ATP11A: variants seen among roughly 807,000 people sequenced by gnomAD.
ATP11A encodes the protein phospholipid-transporting ATPase IH.
ATP11A carries 81 observed loss-of-function variants against 154.4 expected under a neutral mutation model. The observed-to-expected ratio is 0.52, with a 90% CI of 0.44 to 0.63. The LOEUF is 0.63. Ranked by LOEUF, ATP11A falls within the 30% of genes least tolerant of loss-of-function variation. The pLI is 0.00. For synonymous variants in ATP11A, 623 were observed against 585.9 expected, an observed-to-expected ratio of 1.06 and a Z score of -0.91; for missense variants, 1,316 against 1,474.3, an observed-to-expected ratio of 0.89 and a Z score of 1.76.
At chr13:112,723,922 C>T (rs1889505921) in intron 1 of ATP11A, among the ~76,000 whole-genome samples, 1 of 152,128 alleles carries the variant, frequency 6.6e-6, no homozygotes, top group Non-Finnish European at 1.5e-5. Flanking sequence ...ACGCTCGTGT[C>T]ACACGGGCTC....
At chr13:112,796,546 C>G (rs553751857) in intron 2 of ATP11A, among the ~76,000 whole-genome samples, 1 of 152,316 alleles carries the variant, frequency 6.6e-6, no homozygotes, top group South Asian at 2.1e-4. Context: ...AAAAGTTTCT[C>G]CCTGGAGCCT....
rs1190850718 is a variant in ATP11A, at chr13:112,816,178, C to T, written c.537C>T (p.Thr179=). 33 of 1,614,044 alleles carry T rather than the reference C, an allele frequency of 2.0e-5. No homozygotes were observed. The highest frequency in any genetic ancestry group is 2.6e-5 in the Non-Finnish European group (31 of 1,180,038). Reference sequence around the variant, plus strand: ...GGGGAGATGGGACGTGCCACGTCACCACCGCCAGCTTGGATGGAGAATCCA... The same window carrying T: ...GGGGAGATGGGACGTGCCACGTCACTACCGCCAGCTTGGATGGAGAATCCA... The part of the protein sequence containing the change: ...SNRGDGTCHV[T]TASLDGESSH... The change falls in exon 6 of 30, where the codon ACC becomes ACT. Residue 179 remains threonine (T), a synonymous_variant. Transcript: ENST00000375645.
At chr13:112,695,199 T>C (rs998692499) in intron 1 of ATP11A, among the ~76,000 whole-genome samples, 2 of 152,250 alleles carry the variant, frequency 1.3e-5, no homozygotes, top group African/African-American at 4.8e-5. Flanking sequence ...TAAGTTAAGC[T>C]GCTTTAGCTG....
At chr13:112,793,219 T>A (rs2077906627) in intron 2 of ATP11A, among the ~76,000 whole-genome samples, 1 of 152,118 alleles carries the variant, frequency 6.6e-6, no homozygotes, top group Admixed American at 6.5e-5. Flanking sequence ...CTTTTCATTT[T>A]TGAGACAGAG....
In ATP11A at chr13:112,853,246, C is replaced by CTA. The variant is rs752728056; in HGVS notation, c.1992-1019_1992-1018dup. The stretch of plus-strand genomic sequence containing the variant: ...TCTTGCTCGCTCTCTTTCTCTCTCT[C>CTA]TATATATATATATATGCACACACAC... On this transcript the variant is annotated intron_variant, in intron 18 of 29. Coordinates refer to ENST00000375645, the MANE Select transcript of ATP11A (RefSeq NM_015205.3). Among the ~76,000 whole-genome samples, 967 of 145,410 alleles carry CTA rather than the reference C, an allele frequency of 6.7e-3. 5 individuals carry two copies. Among genetic ancestry groups the CTA allele is most frequent in the Admixed American group, 1.0e-2 (145 of 14,566 alleles).
chr13:112,831,299 A>T, intron 12 of ATP11A, 76 bp from the exon 13 acceptor site: 1 of 1,516,864 alleles, frequency 6.6e-7, no homozygotes, highest in Non-Finnish European at 9.0e-7. Context: ...GGGAGGAAAC[A>T]CGGCTGCTGT....
At chr13:112,732,276 G>C (rs560709005) in intron 1 of ATP11A, among the ~76,000 whole-genome samples, 70 of 152,280 alleles carry the variant, frequency 4.6e-4, no homozygotes, top group Middle Eastern at 3.4e-3. Flanking sequence ...ACTTACTGTA[G>C]AATAGAATGA....
At chr13:112,792,761 C>G (rs1032996579) in intron 2 of ATP11A, among the ~76,000 whole-genome samples, 3 of 152,182 alleles carry the variant, frequency 2.0e-5, no homozygotes, top group Non-Finnish European at 2.9e-5. Flanking sequence ...TTGCACCCCC[C>G]ACGTGGGGAA....
At chr13:112,718,761 C>T (rs1255869521) in intron 1 of ATP11A, among the ~76,000 whole-genome samples, 1 of 151,676 alleles carries the variant, frequency 6.6e-6, no homozygotes, top group African/African-American at 2.4e-5. Flanking sequence ...ACCTCCGCCT[C>T]CCAGGTTCAA....
chr13:112,764,702 C>T (rs2077034592), intron 1 of ATP11A, among the ~76,000 whole-genome samples: 1 of 152,204 alleles, frequency 6.6e-6, no homozygotes, highest in South Asian at 2.1e-4. Flanking sequence ...GGTTTGTGTC[C>T]CCTTGATGGG....
chr13:112,756,022 C>T (rs1265555602), intron 1 of ATP11A, among the ~76,000 whole-genome samples: 2 of 152,146 alleles, frequency 1.3e-5, no homozygotes, highest in African/African-American at 2.4e-5. Flanking sequence ...AGAGCGGCTC[C>T]CAGAACCATT....
rs139673383 is a variant in ATP11A, at chr13:112,783,945, C to T, written c.40-1190C>T. On this transcript the variant is annotated intron_variant, in intron 1 of 29. Coordinates refer to ENST00000375645, the MANE Select transcript of ATP11A (RefSeq NM_015205.3). Reference sequence around the variant, plus strand: ...AGCTTTGCAGGAGAGCCTTCCTGTTCCTGAGCAGACACCTAGCAGGGTTGA... The same window carrying T: ...AGCTTTGCAGGAGAGCCTTCCTGTTTCTGAGCAGACACCTAGCAGGGTTGA... Among the ~76,000 whole-genome samples, 996 of 152,314 alleles carry T rather than the reference C, an allele frequency of 6.5e-3. 3 individuals are homozygous for T. The highest frequency in any genetic ancestry group is 0.011 in the Non-Finnish European group (723 of 68,026).
intron 1 of ATP11A, among the ~76,000 whole-genome samples, chr13:112,703,905 C>T (rs1269814834): frequency 6.6e-6 from 1 of 152,188 alleles, no homozygotes; most frequent in Non-Finnish European, 1.5e-5. Context: ...CCTGTCTGCT[C>T]AGTAAACTCA....
rs185344218 is a variant in ATP11A at position 112,696,283 on chromosome 13, C to G, written c.39+5828C>G. Among the ~76,000 whole-genome samples, 2 of 152,354 alleles carry G rather than the reference C, an allele frequency of 1.3e-5. No homozygotes were observed. The highest frequency in any genetic ancestry group is 4.8e-5 in the African/African-American group (2 of 41,592). On this transcript the variant is annotated intron_variant, in intron 1 of 29. Coordinates refer to ENST00000375645, the MANE Select transcript of ATP11A (RefSeq NM_015205.3). This position sits in a 1 kb window ranked among gnomAD's most constrained non-coding sequence, Gnocchi z 6.2. ...CTTCTGGGCTTCTTAAGGAGACCGCCTCTCACCTTGGGCTTTCCGGAACCT... is the reference window on the plus strand; with the variant it reads ...CTTCTGGGCTTCTTAAGGAGACCGCGTCTCACCTTGGGCTTTCCGGAACCT...
At position 112,819,881 on chromosome 13, in the gene ATP11A, G is replaced by A. The variant is rs528222554; in HGVS notation, c.675-19G>A. On this transcript the variant is annotated intron_variant, in intron 7 of 29. Transcript: ENST00000375645. ...CCGCTGGGCGCGTCCGGTCAGTAAC[G>A]TGGCTTTTCTGTCGCCAGGTTCGTG... 21 of 1,614,060 alleles carry A rather than the reference G, an allele frequency of 1.3e-5. No homozygotes were observed. The highest frequency in any genetic ancestry group is 8.9e-5 in the East Asian group (4 of 44,886).
At chr13:112,864,238 C>A (rs1333081907) in intron 25 of ATP11A, among the ~76,000 whole-genome samples, 1 of 96,960 alleles carries the variant, frequency 1.0e-5, no homozygotes, top group Non-Finnish European at 2.2e-5. Flanking sequence ...TCAGTGCGGC[C>A]CATGCAGCTT....
chr13:112,723,107 C>T (rs965659481), intron 1 of ATP11A, among the ~76,000 whole-genome samples: 1 of 151,800 alleles, frequency 6.6e-6, no homozygotes, highest in Non-Finnish European at 1.5e-5. Context: ...CGCCCGCAGG[C>T]GGGACTTAAC....
At chr13:112,784,932 A>G (rs2077586148) in intron 1 of ATP11A, among the ~76,000 whole-genome samples, 1 of 152,094 alleles carries the variant, frequency 6.6e-6, no homozygotes, top group Non-Finnish European at 1.5e-5. Flanking sequence ...TCACCAGAAG[A>G]CCTTGGCCCA....
intron 1 of ATP11A, among the ~76,000 whole-genome samples, chr13:112,735,639 A>G (rs1890919527): frequency 6.6e-6 from 1 of 152,116 alleles, no homozygotes; most frequent in Admixed American, 6.5e-5. Context: ...GTGTAGAGGA[A>G]ACCTTCACTC....
Sources: gnomAD v4.1 joint callset for allele counts (sites outside exome capture counted in the v4.1 genomes callset) on GRCh38, gnomAD v4.1.1 for gene constraint, Gnocchi (gnomAD v3.1) non-coding constraint, MANE v1.5 for transcripts, NCBI Gene and HGNC (gene_info 2026-07-23, HGNC 2026-07-21) for gene names.